The following NTN4 variants were observed in gnomAD, a reference collection of about 807,000 sequenced individuals.
NTN4 encodes the protein netrin 4, also known as netrin-4.
A neutral mutation model predicts 73.6 loss-of-function variants in NTN4; 32 were observed. The ratio of observed to expected loss-of-function variants is 0.44; its 90% CI spans 0.33 to 0.58. The LOEUF (loss-of-function observed/expected upper bound fraction) is 0.58. Among genes scored for constraint, NTN4 ranks in the 20% least tolerant of loss-of-function variants. NTN4 has a pLI of 0.04. For synonymous variants in NTN4, 258 were observed against 287.5 expected, an observed-to-expected ratio of 0.90 and a Z score of 1.04; for missense variants, 654 against 798.3, an observed-to-expected ratio of 0.82 and a Z score of 2.18.
intron 7 of NTN4, chr12:95,672,203 TGCGGGGGGCGG>T: frequency 2.1e-6 from 1 of 474,012 alleles, no homozygotes; most frequent in Non-Finnish European, 3.6e-6. Context: ...ATGGTCGGGT[TGCGGGGGGCGG>T]GCGGGGGGAG....
intron 5 of NTN4, among the ~76,000 whole-genome samples, chr12:95,692,248 C>T (rs1253821428): frequency 2.0e-5 from 3 of 152,104 alleles, no homozygotes; most frequent in Admixed American, 2.0e-4. Flanking sequence ...GCTGGCCAGA[C>T]TGGTCTCAAA....
At chr12:95,697,715 T>G (rs2078452908) in intron 5 of NTN4, among the ~76,000 whole-genome samples, 1 of 152,154 alleles carries the variant, frequency 6.6e-6, no homozygotes, top group Admixed American at 6.5e-5. Context: ...TCCTTTGGGT[T>G]TTGATTCTGT....
chr12:95,787,177 T>C lies in NTN4; in HGVS notation c.347A>G (p.Lys116Arg). 1 of 1,614,206 alleles carries C rather than the reference T, an allele frequency of 6.2e-7. No individual in the cohort carries two copies. The highest frequency in any genetic ancestry group is 1.3e-5 in the African/African-American group (1 of 75,048). The change falls in exon 2 of 10, where the codon AAG becomes AGG. Residue 116 changes from lysine to arginine, a missense_variant. Transcript: ENST00000343702. ...TTCAGCTTCCAGGTCTAACTGGATC[T>C]TTTCTCTGTGCACATCCTCCGCAGA... is the stretch of plus-strand genomic sequence containing the variant. The part of the protein sequence containing the change: ...WQSAEDVHRE[K>R]IQLDLEAEFY...
intron 2 of NTN4, among the ~76,000 whole-genome samples, chr12:95,738,933 A>G (rs2078802511): frequency 6.6e-6 from 1 of 152,044 alleles, no homozygotes; most frequent in Non-Finnish European, 1.5e-5. Context: ...CCTTGCTTAA[A>G]CCACCCCCAC....
At chr12:95,714,886 G>A (rs2078594192) in intron 3 of NTN4, among the ~76,000 whole-genome samples, 1 of 152,128 alleles carries the variant, frequency 6.6e-6, no homozygotes, top group African/African-American at 2.4e-5. Flanking sequence ...AAAATGACAT[G>A]TGCTCAGAGT....
rs560933511 is a variant in NTN4 at position 95,780,909 on chromosome 12, T to C, written c.585+6030A>G. Among the ~76,000 whole-genome samples the C allele has an allele frequency of 2.0e-5, 3 of 152,256 alleles. No individual in the cohort carries two copies. The South Asian group carries it at 6.2e-4, about 32-fold the overall frequency. On this transcript the variant is annotated intron_variant, in intron 2 of 9. Coordinates refer to ENST00000343702, the MANE Select transcript of NTN4 (RefSeq NM_021229.4). The stretch of plus-strand genomic sequence containing the variant: ...GACTTGGAACCAACCCAAATGTCCA[T>C]CAATGATAGACTGGATTAAGAAAAT...
chr12:95,772,931 G>A (rs557719057), intron 2 of NTN4, among the ~76,000 whole-genome samples: 9 of 151,214 alleles, frequency 6.0e-5, no homozygotes, highest in Admixed American at 2.6e-4. Context: ...CAGAGTAATC[G>A]TACTAAAAAT....
intron 7 of NTN4, among the ~76,000 whole-genome samples, chr12:95,675,111 G>A (rs2078263442): frequency 6.6e-6 from 1 of 151,854 alleles, no homozygotes; most frequent in Admixed American, 6.6e-5. Flanking sequence ...ATAGCATTAA[G>A]GCAAAAAAAA....
At position 95,789,612 on chromosome 12, in the gene NTN4, C is replaced by A. The variant is rs2079193647; in HGVS notation, c.55+643G>T. Among the ~76,000 whole-genome samples, 1 of 152,212 alleles carries A rather than the reference C, an allele frequency of 6.6e-6. No individual in the cohort carries two copies. The highest frequency in any genetic ancestry group is 2.4e-5 in the African/African-American group (1 of 41,454). ...TCCAGTTACCGAGCCAGGGAGCAGA[C>A]CCGCCTCCGACCTCCCGCAGAGTCT... On this transcript the variant is annotated intron_variant, in intron 1 of 9. Transcript: ENST00000343702. This position sits in a 1 kb window ranked among gnomAD's most constrained non-coding sequence, Gnocchi z 4.0.
intron 5 of NTN4, among the ~76,000 whole-genome samples, chr12:95,699,713 T>C (rs146281769): frequency 6.6e-6 from 1 of 152,286 alleles, no homozygotes; most frequent in Non-Finnish European, 1.5e-5. Flanking sequence ...TGAAACCAGA[T>C]GCTATCTTGG....
intron 5 of NTN4, among the ~76,000 whole-genome samples, chr12:95,706,275 A>C (rs2078521204): frequency 7.8e-6 from 1 of 127,546 alleles, no homozygotes; most frequent in Non-Finnish European, 1.7e-5. Context: ...CATATCTTGA[A>C]CATAGAACAG....
chr12:95,665,666 A>G, intron 9 of NTN4, 144 bp downstream of exon 9: 1 of 566,636 alleles, frequency 1.8e-6, no homozygotes, highest in Non-Finnish European at 3.1e-6. Flanking sequence ...AAAGAATTCC[A>G]TTTGGATTTT....
In NTN4 at chr12:95,683,349, A is replaced by G. The variant is rs1055533883; in HGVS notation, c.1394+149T>C. ...AGTGTTGGAATTACAGGCGTGAGCC[A>G]CCACGCCCAGCCTGACAAAAATTCT... On this transcript the variant is annotated intron_variant, in intron 6 of 9. Coordinates refer to ENST00000343702, the MANE Select transcript of NTN4 (RefSeq NM_021229.4). 6.7e-6 allele frequency: 5 copies of G among 745,194 alleles called. No individual in the cohort carries two copies. The South Asian group carries it at 7.4e-5, about 11-fold the overall frequency. The allele number at this position is 745,194 out of a possible 1,614,324, so 46.2% of individuals were successfully genotyped here.
chr12:95,683,002 T>C (rs903878077), intron 6 of NTN4, among the ~76,000 whole-genome samples, 180 bp from the exon 7 acceptor site: 2 of 152,222 alleles, frequency 1.3e-5, no homozygotes, highest in African/African-American at 2.4e-5. Context: ...TTAGATGATC[T>C]CTAGAATCTT....
chr12:95,687,388 T>G (rs565796981), intron 5 of NTN4, among the ~76,000 whole-genome samples: 160 of 147,208 alleles, frequency 1.1e-3, no homozygotes, highest in African/African-American at 3.3e-3. Flanking sequence ...AAAAAAATTT[T>G]TTTTTTTGTT....
At chr12:95,741,427 TTATATATATATATATATATATATATA>T (rs1174318245) in intron 2 of NTN4, among the ~76,000 whole-genome samples, 34 of 51,044 alleles carry the variant, frequency 6.7e-4, no homozygotes, top group East Asian at 3.6e-3. Context: ...TATGTATAAA[TTATATATATATATATATATATATATA>T]TATATATATA....
At chr12:95,681,852 G>A (rs2078318428) in intron 7 of NTN4, among the ~76,000 whole-genome samples, 1 of 152,066 alleles carries the variant, frequency 6.6e-6, no homozygotes, top group Non-Finnish European at 1.5e-5. Flanking sequence ...TTCAGTTAAT[G>A]TCATTAATTT....
intron 8 of NTN4, among the ~76,000 whole-genome samples, chr12:95,668,873 C>T (rs2078203746): frequency 6.6e-6 from 1 of 152,230 alleles, no homozygotes; most frequent in Admixed American, 6.5e-5. Flanking sequence ...CGCCTATAAT[C>T]CCAGCACTTT....
intron 7 of NTN4, among the ~76,000 whole-genome samples, chr12:95,671,679 A>G (rs2120947108): frequency 6.6e-6 from 1 of 152,288 alleles, no homozygotes; most frequent in African/African-American, 2.4e-5. Flanking sequence ...CCTGGTGCCC[A>G]AAAGGTTGGG....
Sources: gnomAD v4.1 joint callset for allele counts (sites outside exome capture counted in the v4.1 genomes callset) on GRCh38, gnomAD v4.1.1 for gene constraint, Gnocchi (gnomAD v3.1) non-coding constraint, MANE v1.5 for transcripts, NCBI Gene and HGNC (gene_info 2026-07-23, HGNC 2026-07-21) for gene names.